Variants in MAP3K2 observed in about 807,000 individuals in gnomAD.
MAP3K2 encodes MAP/ERK kinase kinase 2.
MAP3K2 carries 24 observed loss-of-function variants against 80.3 expected under a neutral mutation model. That is an observed-to-expected ratio of 0.30 (90% confidence interval 0.22 to 0.42). MAP3K2 has a LOEUF of 0.42. Among genes scored for constraint, MAP3K2 ranks in the 10% least tolerant of loss-of-function variants. The probability of loss-of-function intolerance (pLI) is 1.00; values close to 1 mark genes in which losing one functional copy is unlikely to be tolerated. For missense variants in MAP3K2, 608 were observed against 750.1 expected, an observed-to-expected ratio of 0.81 and a Z score of 2.21; for synonymous variants, 244 against 253.7, an observed-to-expected ratio of 0.96 and a Z score of 0.36.
chr2:127,367,510 A>G (rs1223496104), intron 1 of MAP3K2, among the ~76,000 whole-genome samples: 1 of 152,210 alleles, frequency 6.6e-6, no homozygotes, highest in Non-Finnish European at 1.5e-5. Flanking sequence ...TTAAAACTCC[A>G]GGCAGGGCAC....
At chr2:127,371,466 A>G (rs1051193077) in intron 1 of MAP3K2, among the ~76,000 whole-genome samples, 6 of 152,238 alleles carry the variant, frequency 3.9e-5, no homozygotes, top group Admixed American at 2.6e-4. Flanking sequence ...CTCAGGAGCC[A>G]TTTGTTGAAT....
In MAP3K2 at chr2:127,299,530, C is replaced by A. The variant is rs545663838; in HGVS notation, c.*8049G>T. The A allele has an allele frequency of 6.6e-6, 1 of 152,212 alleles. No homozygotes were observed. Among genetic ancestry groups the A allele is most frequent in the South Asian group, 2.1e-4 (1 of 4,822 alleles). The allele number at this position is 152,212 out of a possible 1,614,324, so 9.4% of individuals were successfully genotyped here. A position where few individuals can be genotyped will look rare whatever the true frequency, so the allele number is the denominator to read the frequency against. Reference sequence around the variant, plus strand: ...TGGAGATAGAAAAATCTTGACATCTCGAGACAATTTAGTTTCTCACATTTT... The same window carrying A: ...TGGAGATAGAAAAATCTTGACATCTAGAGACAATTTAGTTTCTCACATTTT... On this transcript the variant is annotated 3_prime_UTR_variant, in exon 17 of 17. Transcript: ENST00000682094.
intron 15 of MAP3K2, among the ~76,000 whole-genome samples, chr2:127,312,690 C>T (rs919492138): frequency 4.6e-5 from 7 of 151,932 alleles, no homozygotes; most frequent in Non-Finnish European, 8.8e-5. Context: ...AGGCCGGGCA[C>T]GGTAGCTCAC....
At chr2:127,325,870 A>T in intron 8 of MAP3K2, 63 bp from the exon 9 acceptor site, 3 of 1,104,776 alleles carry the variant, frequency 2.7e-6, no homozygotes, top group Non-Finnish European at 4.1e-6. Flanking sequence ...CTTATTAAAA[A>T]AACCTGCCTT....
chr2:127,345,766 TAATC>T (rs749127039), intron 1 of MAP3K2, among the ~76,000 whole-genome samples: 167 of 152,144 alleles, frequency 1.1e-3, no homozygotes, highest in Non-Finnish European at 1.9e-3. Context: ...AACATAAAAA[TAATC>T]AATGGGTCAC....
chr2:127,345,932 T>G (rs1686588509), intron 1 of MAP3K2, among the ~76,000 whole-genome samples: 1 of 151,920 alleles, frequency 6.6e-6, no homozygotes, highest in African/African-American at 2.4e-5. Context: ...ACCTAACCTT[T>G]GACCTTAAAA....
chr2:127,347,785 T>C (rs1187277238), intron 1 of MAP3K2, among the ~76,000 whole-genome samples: 3 of 152,000 alleles, frequency 2.0e-5, no homozygotes, highest in Non-Finnish European at 4.4e-5. Context: ...GCCACAACAA[T>C]ACTGAAAAAG....
At chr2:127,313,898 G>A (rs918292786) in intron 15 of MAP3K2, among the ~76,000 whole-genome samples, 12 of 152,096 alleles carry the variant, frequency 7.9e-5, no homozygotes, top group African/African-American at 2.7e-4. Flanking sequence ...TTGAACTCCT[G>A]GGTTCAAGCG....
Position 127,302,855 on chromosome 2 carries a change from C to G in MAP3K2, c.*4724G>C, listed in dbSNP as rs542587707. On this transcript the variant is annotated 3_prime_UTR_variant, in exon 17 of 17. Transcript: ENST00000682094. ...GCAGCATGTCTATCACAGACAAATC[C>G]TAATGTTTCTCTCCTAACATTTATT... The G allele has an allele frequency of 1.3e-5, 2 of 152,150 alleles. No individual in the cohort carries two copies. The highest frequency in any genetic ancestry group is 4.1e-4 in the South Asian group (2 of 4,826). The allele number at this position is 152,150 out of a possible 1,614,324, so 9.4% of individuals were successfully genotyped here.
chr2:127,365,116 C>CAAAAAAAA, intron 1 of MAP3K2, among the ~76,000 whole-genome samples: 319 of 31,650 alleles, frequency 0.01, 114 homozygotes, highest in Non-Finnish European at 0.017. Flanking sequence ...GACTCTGCCT[C>CAAAAAAAA]AAAAAAAAAA....
intron 12 of MAP3K2, among the ~76,000 whole-genome samples, chr2:127,320,734 CA>C (rs942301253): frequency 6.6e-6 from 1 of 152,166 alleles, no homozygotes; most frequent in Non-Finnish European, 1.5e-5. Context: ...GGGAAGAAAG[CA>C]TATTACATAT....
rs1165514708 is a variant in MAP3K2, at chr2:127,364,871, T to C, written c.-65-21677A>G. ...GACCAGGCGCAGTGGCTCACGCCTG[T>C]AATCCTAGCACTGTGGAAGGCCAAG... is the stretch of plus-strand genomic sequence containing the variant. On this transcript the variant is annotated intron_variant, in intron 1 of 16. Coordinates refer to ENST00000682094, the MANE Select transcript of MAP3K2 (RefSeq NM_001371910.2). The surrounding 1 kb of genome is among the most constrained non-coding windows in gnomAD (Gnocchi z 4.1). Among the ~76,000 whole-genome samples, 1 of 152,094 alleles carries C rather than the reference T, an allele frequency of 6.6e-6. No homozygotes were observed. The highest frequency in any genetic ancestry group is 1.5e-5 in the Non-Finnish European group (1 of 68,008).
At chr2:127,382,111 G>A (rs1482961984) in intron 1 of MAP3K2, among the ~76,000 whole-genome samples, 2 of 152,188 alleles carry the variant, frequency 1.3e-5, no homozygotes, top group Non-Finnish European at 2.9e-5. Context: ...TGATTTGGTG[G>A]GGATGGGTGT....
In MAP3K2 at chr2:127,326,837, G is replaced by A. The variant is rs754390282; in HGVS notation, c.467-20C>T. 2.7e-6 allele frequency: 4 copies of A among 1,498,104 alleles called. No individual in the cohort carries two copies. Among genetic ancestry groups the A allele is most frequent in the Non-Finnish European group, 3.6e-6 (4 of 1,113,436 alleles). 92.8% of individuals were successfully genotyped at this position (1,498,104 alleles called of 1,614,324 possible). On this transcript the variant is annotated intron_variant, in intron 7 of 16. Coordinates refer to ENST00000682094, the MANE Select transcript of MAP3K2 (RefSeq NM_001371910.2). ...TAGGACCTCAAGGAAGAAAAATAAT[G>A]TAATTTATAATTATAGGCAAGGGAA... is the stretch of plus-strand genomic sequence containing the variant.
rs1253092082 is a variant in MAP3K2, at chr2:127,304,578, A to G, written c.*3001T>C. 1 of 152,612 alleles carries G rather than the reference A, an allele frequency of 6.6e-6. No homozygotes were observed. Among genetic ancestry groups the G allele is most frequent in the Non-Finnish European group, 1.5e-5 (1 of 68,018 alleles). 9.5% of individuals were successfully genotyped at this position (152,612 alleles called of 1,614,324 possible). A position where few individuals can be genotyped will look rare whatever the true frequency, so the allele number is the denominator to read the frequency against. ...AGCAGTCTGACCATTTTCCAGCGTC[A>G]GCAAAGAAGCATTACAGTATAGAAG... is the stretch of plus-strand genomic sequence containing the variant. On this transcript the variant is annotated 3_prime_UTR_variant, in exon 17 of 17. Coordinates refer to ENST00000682094, the MANE Select transcript of MAP3K2 (RefSeq NM_001371910.2).
rs1685605638 is a variant in MAP3K2, at chr2:127,302,173, A to G, written c.*5406T>C. 1 of 152,202 alleles carries G rather than the reference A, an allele frequency of 6.6e-6. No individual in the cohort carries two copies. The highest frequency in any genetic ancestry group is 6.5e-5 in the Admixed American group (1 of 15,268). 9.4% of individuals were successfully genotyped at this position (152,202 alleles called of 1,614,324 possible). On this transcript the variant is annotated 3_prime_UTR_variant, in exon 17 of 17. Coordinates refer to ENST00000682094, the MANE Select transcript of MAP3K2 (RefSeq NM_001371910.2). ...ATTACTTTCTATTTAAGAATTATAT[A>G]TAAGATTATTTTACATATACACAAA...
chr2:127,322,250 G>A lies in MAP3K2; in HGVS notation c.841C>T (p.Arg281Cys). 1 of 1,606,386 alleles carries A rather than the reference G, an allele frequency of 6.2e-7. No homozygotes were observed. ...SYHHQEYNDG[R>C]KTFPRARRTQ... ...CTTCTAGCTCTTGGAAAAGTTTTAC[G>A]ACCTAAAAAATGAAAAGAGAATGAC... Residue 281 changes from arginine to cysteine, a missense_variant and splice_region_variant, in exon 12 of 17, where the codon CGT becomes TGT. Arg to Cys is a radical substitution (Grantham distance 180). This residue lies in a region of MAP3K2 where 467 missense variants were observed against 521.9 expected (regional missense o/e 0.89). Transcript: ENST00000682094. This position sits in a 1 kb window ranked among gnomAD's most constrained non-coding sequence, Gnocchi z 4.2.
chr2:127,326,212 A>C (rs1212688879), intron 8 of MAP3K2, among the ~76,000 whole-genome samples: 2 of 139,900 alleles, frequency 1.4e-5, no homozygotes, highest in African/African-American at 5.1e-5. Context: ...ACATTATTAG[A>C]AAATGTAAAC....
At chr2:127,388,340 C>G, upstream of MAP3K2, 1 of 985,454 alleles carries the variant, frequency 1.0e-6, no homozygotes, top group Non-Finnish European at 1.2e-6. Context: ...GGACAGGGCC[C>G]AAGGGTAGCA....
Sources: allele counts gnomAD v4.1 joint callset (sites outside exome capture counted in the v4.1 genomes callset), GRCh38; gene constraint gnomAD v4.1.1; regional missense constraint gnomAD v4.1.1; non-coding constraint Gnocchi (gnomAD v3.1); transcripts MANE v1.5; gene names NCBI Gene and HGNC (gene_info 2026-07-23, HGNC 2026-07-21).